Variants in ERAP1 observed in about 807,000 individuals in gnomAD.
ERAP1 encodes the protein endoplasmic reticulum aminopeptidase 1, also known as adipocyte-derived leucine aminopeptidase.
In ERAP1, 86 loss-of-function variants were observed where a neutral mutation model predicts 103.7. The ratio of observed to expected loss-of-function variants is 0.83; its 90% CI spans 0.70 to 0.99. The LOEUF is 0.99. Among genes scored for constraint, ERAP1 ranks in the 50% least tolerant of loss-of-function variants. ERAP1 has a pLI of 0.00. For missense variants in ERAP1, 1,009 were observed against 1,128.4 expected, an observed-to-expected ratio of 0.89 and a Z score of 1.52; for synonymous variants, 398 against 402.4, an observed-to-expected ratio of 0.99 and a Z score of 0.13.
Position 96,775,055 on chromosome 5 carries a change from C to A in ERAP1, c.*1341G>T, listed in dbSNP as rs1773903385. The A allele has an allele frequency of 1.0e-6, 1 of 956,626 alleles. No homozygotes were observed. The allele number at this position is 956,626 out of a possible 1,614,324, so 59.3% of individuals were successfully genotyped here. ...AAACACGCTGCAACTTGAATCAAGT[C>A]AGCAACAGAGCACACTATGGGTTAG... On this transcript the variant is annotated 3_prime_UTR_variant, in exon 19 of 19. Coordinates refer to ENST00000443439, the MANE Select transcript of ERAP1 (RefSeq NM_001040458.3).
At chr5:96,808,974 C>T (rs563994451), upstream of ERAP1, among the ~76,000 whole-genome samples, 1 of 152,180 alleles carries the variant, frequency 6.6e-6, no homozygotes, top group African/African-American at 2.4e-5. Flanking sequence ...GCAGAGCACC[C>T]CCAAGGGCTG....
intron 12 of ERAP1, 82 bp downstream of exon 12, chr5:96,786,388 A>C (rs1454199631): frequency 1.0e-6 from 1 of 975,686 alleles, no homozygotes; most frequent in African/African-American, 1.6e-5. Context: ...AACCAAGATA[A>C]ATAGCAAAAG....
chr5:96,914,221 C>A, the ERAP1 span, among the ~76,000 whole-genome samples: 2 of 151,920 alleles, frequency 1.3e-5, no homozygotes, highest in African/African-American at 4.8e-5. Flanking sequence ...TCTAAAATGT[C>A]ATTTATGACT....
intron 15 of ERAP1, among the ~76,000 whole-genome samples, chr5:96,782,492 T>G (rs1003566630): frequency 3.3e-5 from 5 of 152,144 alleles, no homozygotes; most frequent in African/African-American, 1.2e-4. Context: ...TATTCAAAAT[T>G]TACACCATGA....
chr5:96,766,374 T>G (rs1027893281), intron 19 of ERAP1, among the ~76,000 whole-genome samples: 5 of 152,174 alleles, frequency 3.3e-5, no homozygotes, highest in Admixed American at 6.5e-5. Context: ...TTGAATACTG[T>G]TCAGTCACTC....
chr5:96,774,557 G>GA lies in ERAP1; in HGVS notation c.*1838dup. 1 of 985,768 alleles carries GA rather than the reference G, an allele frequency of 1.0e-6. No individual in the cohort carries two copies. The highest frequency in any genetic ancestry group is 1.2e-6 in the Non-Finnish European group (1 of 829,828). 61.1% of individuals were successfully genotyped at this position (985,768 alleles called of 1,614,324 possible). On this transcript the variant is annotated 3_prime_UTR_variant, in exon 19 of 19. Transcript: ENST00000443439. ...GTTGTGGCAATATTGTATCTGTTTA[G>GA]AAAATGGGCTTTTCCAAAAGCAAAC...
At chr5:96,847,843 G>A in the ERAP1 span, among the ~76,000 whole-genome samples, 2 of 152,128 alleles carry the variant, frequency 1.3e-5, no homozygotes, top group Non-Finnish European at 2.9e-5. Flanking sequence ...GAAGTTTATA[G>A]CATTAAATGC....
At chr5:96,770,438 C>A, downstream of ERAP1, 3 of 763,530 alleles carry the variant, frequency 3.9e-6, no homozygotes, top group Non-Finnish European at 4.6e-6. Flanking sequence ...AATTGGAGAT[C>A]TCAGAATGGT....
chr5:96,920,017 C>T, the ERAP1 span, among the ~76,000 whole-genome samples: 3 of 152,254 alleles, frequency 2.0e-5, no homozygotes, highest in African/African-American at 7.2e-5. Context: ...CTTTGACCCT[C>T]AAGAGTCTAA....
At chr5:96,862,806 A>G in the ERAP1 span, among the ~76,000 whole-genome samples, 1 of 152,168 alleles carries the variant, frequency 6.6e-6, no homozygotes, top group Admixed American at 6.6e-5. Context: ...TTAAGGAGGA[A>G]GAGAAGTGCT....
chr5:96,825,230 T>A, the ERAP1 span, among the ~76,000 whole-genome samples: 1 of 152,366 alleles, frequency 6.6e-6, no homozygotes, highest in East Asian at 1.9e-4. Context: ...TCTTGAAACA[T>A]CATCTTTGAC....
At chr5:96,886,693 T>A in the ERAP1 span, 2 of 1,553,854 alleles carry the variant, frequency 1.3e-6, no homozygotes, top group African/African-American at 1.3e-5. Flanking sequence ...TTTTGGAAGA[T>A]CACTTTGAAA....
the ERAP1 span, chr5:96,902,482 T>C: frequency 1.7e-6 from 1 of 600,364 alleles, no homozygotes; most frequent in Non-Finnish European, 2.9e-6. Context: ...TTGTCATTTA[T>C]CCATATGTTA....
the ERAP1 span, among the ~76,000 whole-genome samples, chr5:96,898,397 G>A: frequency 1.3e-5 from 2 of 151,758 alleles, no homozygotes; most frequent in East Asian, 1.9e-4. Flanking sequence ...TTTTTTACTT[G>A]CATTTCTTGA....
chr5:96,808,247 T>A (rs2151021669), upstream of ERAP1: 1 of 761,316 alleles, frequency 1.3e-6, no homozygotes, highest in Non-Finnish European at 1.6e-6. Context: ...TGTGTGTGTG[T>A]GTGTGTGTGT....
chr5:96,792,118 T>C lies in ERAP1; in HGVS notation c.1263A>G (p.Thr421=). ...GGATCTGAGCAGGATTTTCCACAGG[T>C]GTAGACACAGGGTGTGAGGAATTTA... is the stretch of plus-strand genomic sequence containing the variant. ...DALNSSHPVS[T]PVENPAQIRE... The change falls in exon 8 of 19, where the codon ACA becomes ACG. Residue 421 remains threonine (T), a synonymous_variant. Transcript: ENST00000443439. 1 of 1,614,076 alleles carries C rather than the reference T, an allele frequency of 6.2e-7. No individual in the cohort carries two copies. The highest frequency in any genetic ancestry group is 1.1e-5 in the South Asian group (1 of 91,090).
the ERAP1 span, among the ~76,000 whole-genome samples, chr5:96,912,188 C>CAAA: frequency 1.8e-4 from 15 of 84,178 alleles, no homozygotes; most frequent in South Asian, 3.6e-4. Flanking sequence ...GACTCCACCT[C>CAAA]AAAAAAAAAA....
intron 13 of ERAP1, chr5:96,785,469 G>A (rs1443596006): frequency 1.8e-5 from 7 of 379,076 alleles, no homozygotes; most frequent in East Asian, 6.5e-5. Context: ...AAGAAGCTGC[G>A]GGACCATGCC....
downstream of ERAP1, chr5:96,770,731 A>G (rs891325686): frequency 6.5e-6 from 4 of 616,698 alleles, no homozygotes; most frequent in South Asian, 3.9e-5. Flanking sequence ...TATCTATCCC[A>G]TAGCATCGCT....
Sources: gnomAD v4.1 joint callset for allele counts (sites outside exome capture counted in the v4.1 genomes callset) on GRCh38, gnomAD v4.1.1 for gene constraint, MANE v1.5 for transcripts, NCBI Gene and HGNC (gene_info 2026-07-23, HGNC 2026-07-21) for gene names.